The following LRRC4C variants were observed in gnomAD, a reference collection of about 807,000 sequenced individuals.
The protein encoded by LRRC4C is leucine rich repeat containing 4C.
In LRRC4C, 5 loss-of-function variants were observed where a neutral mutation model predicts 33.6. That is an observed-to-expected ratio of 0.15 (90% CI 0.08 to 0.31). The LOEUF (loss-of-function observed/expected upper bound fraction) is 0.31. Among genes scored for constraint, LRRC4C ranks in the 10% least tolerant of loss-of-function variants. The pLI is 1.00. For synonymous variants in LRRC4C, 329 were observed against 302.0 expected (o/e 1.09, Z -0.93); for missense variants, 560 against 796.7 (o/e 0.70, Z 3.58).
At chr11:40,282,655 A>G (rs1386111944) in intron 4 of LRRC4C, among the ~76,000 whole-genome samples, 1 of 152,230 alleles carries the variant, frequency 6.6e-6, no homozygotes, top group Non-Finnish European at 1.5e-5. Flanking sequence ...CAAATACTCC[A>G]GTTCAACATA....
At position 40,796,647 on chromosome 11, in the gene LRRC4C, T is replaced by G. The variant is rs547478798; in HGVS notation, c.-407+136988A>C. ...GCTAAGCAGAACTCTTTTTTTTTTTTTTTTTTTTTTTTATTTTGAGACAGA... is the reference window on the plus strand; with the variant it reads ...GCTAAGCAGAACTCTTTTTTTTTTTGTTTTTTTTTTTTATTTTGAGACAGA... On this transcript the variant is annotated intron_variant, in intron 2 of 6. Coordinates refer to ENST00000528697, the MANE Select transcript of LRRC4C (RefSeq NM_001258419.2). Among the ~76,000 whole-genome samples, 9 of 137,650 alleles carry G rather than the reference T, an allele frequency of 6.5e-5. No homozygotes were observed. In the South Asian group the frequency reaches 2.0e-3, roughly 31 times the overall value. 90.3% of individuals were successfully genotyped at this position (137,650 alleles called of 152,430 possible).
chr11:40,386,311 TAGAACTTCTTGACCTTA>T (rs1347514722), intron 3 of LRRC4C, among the ~76,000 whole-genome samples: 1 of 152,128 alleles, frequency 6.6e-6, no homozygotes, highest in Non-Finnish European at 1.5e-5. Context: ...GAGAATATAA[TAGAACTTCTTGACCTTA>T]AGAATCAAAC....
chr11:40,149,887 G>A (rs772572976), intron 5 of LRRC4C, among the ~76,000 whole-genome samples: 2 of 152,080 alleles, frequency 1.3e-5, no homozygotes, highest in Non-Finnish European at 2.9e-5. Flanking sequence ...CAGAGATGTG[G>A]GTGGTGAAAG....
intron 1 of LRRC4C, among the ~76,000 whole-genome samples, chr11:41,347,657 T>C (rs925234737): frequency 1.2e-4 from 19 of 152,290 alleles, no homozygotes; most frequent in African/African-American, 4.6e-4. Flanking sequence ...GATAAAAATA[T>C]TTTTAAAATG....
At chr11:40,988,629 C>A (rs1853246201) in intron 1 of LRRC4C, among the ~76,000 whole-genome samples, 1 of 151,548 alleles carries the variant, frequency 6.6e-6, no homozygotes, top group African/African-American at 2.4e-5. Context: ...TATGATCCAG[C>A]AATGAAGAGG....
chr11:40,596,872 TAA>T (rs1437300444), intron 3 of LRRC4C, among the ~76,000 whole-genome samples: 1 of 152,132 alleles, frequency 6.6e-6, no homozygotes, highest in African/African-American at 2.4e-5. Flanking sequence ...GGAATCAATA[TAA>T]GTGTCCATCA....
chr11:40,731,997 ATCT>A (rs2136793279), intron 2 of LRRC4C, among the ~76,000 whole-genome samples: 1 of 152,204 alleles, frequency 6.6e-6, no homozygotes, highest in Non-Finnish European at 1.5e-5. Flanking sequence ...CAAGCAGACA[ATCT>A]TCTATCCTAG....
intron 1 of LRRC4C, among the ~76,000 whole-genome samples, chr11:41,067,253 G>A (rs913516997): frequency 2.0e-5 from 3 of 152,118 alleles, no homozygotes; most frequent in Non-Finnish European, 4.4e-5. Context: ...GCAGAAAAAA[G>A]CAGGGGTTGC....
intron 2 of LRRC4C, among the ~76,000 whole-genome samples, chr11:40,711,203 C>A (rs2136589183): frequency 6.6e-6 from 1 of 152,344 alleles, no homozygotes. Flanking sequence ...GCTGCACCCA[C>A]TTTCTGACCA....
At chr11:40,851,315 A>G (rs1014881138) in intron 2 of LRRC4C, among the ~76,000 whole-genome samples, 2 of 152,124 alleles carry the variant, frequency 1.3e-5, no homozygotes, top group Middle Eastern at 3.2e-3. Flanking sequence ...GACCATGGGA[A>G]AGGCGTAGCA....
intron 1 of LRRC4C, among the ~76,000 whole-genome samples, chr11:41,088,647 A>G (rs997418002): frequency 2.0e-4 from 31 of 152,242 alleles, no homozygotes; most frequent in African/African-American, 7.5e-4. Context: ...GAGAAAAGCA[A>G]AAGTTTAAAA....
At chr11:40,147,844 A>C (rs1234297786) in intron 5 of LRRC4C, among the ~76,000 whole-genome samples, 1 of 152,034 alleles carries the variant, frequency 6.6e-6, no homozygotes, top group East Asian at 1.9e-4. Context: ...TTCATCACCC[A>C]GGTATTTAGC....
intron 1 of LRRC4C, among the ~76,000 whole-genome samples, chr11:40,942,869 T>C (rs1435416057): frequency 1.3e-5 from 2 of 152,096 alleles, no homozygotes; most frequent in African/African-American, 4.8e-5. Context: ...ACCAACCATA[T>C]GAACAGAGCC....
At chr11:40,372,176 G>C (rs1948478715) in intron 3 of LRRC4C, among the ~76,000 whole-genome samples, 1 of 152,138 alleles carries the variant, frequency 6.6e-6, no homozygotes, top group African/African-American at 2.4e-5. Context: ...CTGAAGTAAT[G>C]CTCATTCCCC....
intron 5 of LRRC4C, among the ~76,000 whole-genome samples, chr11:40,163,045 A>G (rs958293292): frequency 1.2e-4 from 18 of 152,282 alleles, no homozygotes; most frequent in African/African-American, 4.3e-4. Flanking sequence ...GGCAGCAACC[A>G]TATTGCACCT....
intron 1 of LRRC4C, among the ~76,000 whole-genome samples, chr11:41,228,969 T>C (rs1947663521): frequency 6.6e-6 from 1 of 152,118 alleles, no homozygotes; most frequent in Non-Finnish European, 1.5e-5. Context: ...AACACAGTCA[T>C]TTCAATGTGT....
At chr11:41,079,545 C>T (rs536094761) in intron 1 of LRRC4C, among the ~76,000 whole-genome samples, 1 of 152,124 alleles carries the variant, frequency 6.6e-6, no homozygotes, top group African/African-American at 2.4e-5. Flanking sequence ...AGATGTATTG[C>T]AATATCTGGG....
intron 2 of LRRC4C, among the ~76,000 whole-genome samples, chr11:40,689,103 T>A (rs116117729): frequency 0.01 from 1,546 of 152,234 alleles, 24 homozygotes; most frequent in African/African-American, 0.035. Context: ...TGCTATGGAC[T>A]GTAGTAGAGA....
intron 5 of LRRC4C, among the ~76,000 whole-genome samples, chr11:40,201,641 T>A (rs1862761580): frequency 6.6e-6 from 1 of 152,180 alleles, no homozygotes; most frequent in Non-Finnish European, 1.5e-5. Context: ...GATGTAAGAA[T>A]GACCCATAGA....
Sources: allele counts gnomAD v4.1 joint callset (sites outside exome capture counted in the v4.1 genomes callset), GRCh38; gene constraint gnomAD v4.1.1; transcripts MANE v1.5; gene names NCBI Gene and HGNC (gene_info 2026-07-23, HGNC 2026-07-21).